Variants in PDK3 observed in about 807,000 individuals in gnomAD.
The protein encoded by PDK3 is pyruvate dehydrogenase kinase 3, also known as pyruvate dehydrogenase kinase, isozyme 3.
A neutral mutation model predicts 32.0 loss-of-function variants in PDK3; 12 were observed. The ratio of observed to expected loss-of-function variants is 0.37; its 90% CI spans 0.24 to 0.61. PDK3 has a LOEUF of 0.61. Among genes scored for constraint, PDK3 ranks in the 20% least tolerant of loss-of-function variants. PDK3 has a pLI of 0.65. For missense variants in PDK3, 188 were observed against 316.9 expected (o/e 0.59, Z 3.09); for synonymous variants, 122 against 116.3 (o/e 1.05, Z -0.31).
chrX:24,540,889 CTTTTTTTTTTT>C (rs369307335), exon 12 of PDK3, among the ~76,000 whole-genome samples: 21 of 36,676 alleles, frequency 5.7e-4, no homozygotes, highest in Non-Finnish European at 7.3e-4. Context: ...CCCTAGCTTC[CTTTTTTTTTTT>C]TTTTTTTTTT....
downstream of PDK3, among the ~76,000 whole-genome samples, chrX:24,538,775 A>G (rs772437020): frequency 1.7e-3 from 188 of 111,618 alleles, no homozygotes; most frequent in African/African-American, 5.0e-3. Context: ...CTCCATCTCA[A>G]TAATAAATAA....
chrX:24,541,102 G>A (rs780713555), exon 12 of PDK3, among the ~76,000 whole-genome samples: 2 of 105,940 alleles, frequency 1.9e-5, no homozygotes, highest in Non-Finnish European at 3.9e-5. Context: ...GTAGAGACGG[G>A]GTTTCACCAT....
intron 5 of PDK3, among the ~76,000 whole-genome samples, chrX:24,515,449 G>A (rs1465569659): frequency 1.8e-5 from 2 of 112,477 alleles, no homozygotes; most frequent in African/African-American, 6.5e-5. Flanking sequence ...TGAGGAATTA[G>A]CACATTTAGT....
chrX:24,540,094 C>T (rs1922857155), exon 12 of PDK3, among the ~76,000 whole-genome samples: 1 of 112,170 alleles, frequency 8.9e-6, no homozygotes, highest in African/African-American at 3.2e-5. Context: ...GAAAAATGCT[C>T]CAGGTCTTAA....
intron 6 of PDK3, among the ~76,000 whole-genome samples, chrX:24,523,758 C>A (rs1230961728): frequency 2.7e-5 from 3 of 111,627 alleles, no homozygotes; most frequent in Non-Finnish European, 5.6e-5. Flanking sequence ...CCTCTCTGCT[C>A]AGAGGCCCAT....
downstream of PDK3, among the ~76,000 whole-genome samples, chrX:24,536,551 T>C (rs941614849): frequency 8.9e-6 from 1 of 111,933 alleles, no homozygotes; most frequent in South Asian, 3.7e-4. Context: ...GTAAGAAATA[T>C]GTTAAAAGCC....
At chrX:24,541,192 C>T (rs978079321) in exon 12 of PDK3, among the ~76,000 whole-genome samples, 5 of 107,918 alleles carry the variant, frequency 4.6e-5, no homozygotes, top group African/African-American at 6.8e-5. Context: ...ATTACAGGTT[C>T]GAGCCACTGC....
At chrX:24,480,463 G>A (rs1569218693) in intron 1 of PDK3, among the ~76,000 whole-genome samples, 4 of 112,081 alleles carry the variant, frequency 3.6e-5, no homozygotes, top group South Asian at 3.7e-4. Context: ...TCTGGGGAGC[G>A]CCTGAAATGA....
chrX:24,478,408 C>T (rs757611222), intron 1 of PDK3, among the ~76,000 whole-genome samples: 3 of 111,925 alleles, frequency 2.7e-5, no homozygotes, highest in Non-Finnish European at 5.6e-5. Flanking sequence ...TGCAGTGAGC[C>T]GAGATCGTGC....
At chrX:24,548,588 G>A (rs1923042168) in exon 12 of PDK3, 1 of 112,138 alleles carries the variant, frequency 8.9e-6, no homozygotes, top group Non-Finnish European at 1.9e-5. Context: ...TCTAACTCTG[G>A]CACACAGCAC....
chrX:24,547,509 A>T (rs2148208910), exon 12 of PDK3: 1 of 112,255 alleles, frequency 8.9e-6, no homozygotes, highest in African/African-American at 3.2e-5. Context: ...GTTAATTACT[A>T]AAAAAATCAC....
At chrX:24,495,927 G>A (rs1921688973) in intron 2 of PDK3, among the ~76,000 whole-genome samples, 2 of 111,988 alleles carry the variant, frequency 1.8e-5, no homozygotes, top group Non-Finnish European at 3.8e-5. Context: ...CTATCATTCA[G>A]GTAGTTCCAA....
chrX:24,530,616 A>T (rs1366342185), intron 9 of PDK3, among the ~76,000 whole-genome samples: 1 of 110,465 alleles, frequency 9.1e-6, no homozygotes, highest in African/African-American at 3.3e-5. Flanking sequence ...TCCTTCCTTA[A>T]CCTTGTTCAT....
chrX:24,469,324 G>C (rs1027459172), intron 1 of PDK3, among the ~76,000 whole-genome samples: 1 of 111,222 alleles, frequency 9.0e-6, no homozygotes, highest in African/African-American at 3.3e-5. Flanking sequence ...TTCCATAAAG[G>C]TTGTTTGTTT....
intron 3 of PDK3, among the ~76,000 whole-genome samples, chrX:24,502,039 G>GT (rs946420062): frequency 6.4e-5 from 7 of 110,012 alleles, no homozygotes; most frequent in African/African-American, 2.0e-4. Flanking sequence ...TAAGTTTTTT[G>GT]TTTTTTTTCT....
At chrX:24,531,821 A>G (rs933778033) in intron 10 of PDK3, 51 bp downstream of exon 10, 4 of 637,905 alleles carry the variant, frequency 6.3e-6, no homozygotes, top group African/African-American at 4.4e-5. Context: ...TTAAAGCTGT[A>G]AGTTCTAATC....
intron 2 of PDK3, among the ~76,000 whole-genome samples, chrX:24,496,882 T>C (rs1437261896): frequency 3.1e-5 from 3 of 97,177 alleles, no homozygotes; most frequent in Non-Finnish European, 4.1e-5. Flanking sequence ...CCTGGGTTCA[T>C]GCCATTCTCC....
At chrX:24,522,983 A>G (rs887098233) in intron 6 of PDK3, among the ~76,000 whole-genome samples, 3 of 111,879 alleles carry the variant, frequency 2.7e-5, no homozygotes. Flanking sequence ...AGCAAAGGAA[A>G]GCAGAGGAGC....
chrX:24,530,073 G>A (rs1238565266), intron 9 of PDK3, among the ~76,000 whole-genome samples: 1 of 111,708 alleles, frequency 9.0e-6, no homozygotes, highest in African/African-American at 3.3e-5. Flanking sequence ...GCTCTTCTGT[G>A]TTGGACATGA....
Sources: gnomAD v4.1 joint callset for allele counts (sites outside exome capture counted in the v4.1 genomes callset) on GRCh38, gnomAD v4.1.1 for gene constraint, MANE v1.5 for transcripts, NCBI Gene and HGNC (gene_info 2026-07-23, HGNC 2026-07-21) for gene names.